ATG10: variants seen among roughly 807,000 people sequenced by gnomAD.
ATG10 encodes the protein autophagy related 10.
Under a neutral mutation model 32.1 loss-of-function variants are expected in ATG10, and 30 were observed. The ratio of observed to expected loss-of-function variants is 0.94; its 90% CI spans 0.70 to 1.27. The LOEUF is 1.27. ATG10 is among the 50% of genes most tolerant of loss of function. The pLI, the probability that ATG10 is intolerant of heterozygous loss-of-function variation, is 0.00. For missense variants in ATG10, 233 were observed against 262.3 expected, an observed-to-expected ratio of 0.89 and a Z score of 0.77; for synonymous variants, 87 against 91.5, an observed-to-expected ratio of 0.95 and a Z score of 0.28.
At chr5:82,185,208 G>A (rs1744402535) in intron 5 of ATG10, among the ~76,000 whole-genome samples, 1 of 152,178 alleles carries the variant, frequency 6.6e-6, no homozygotes. Context: ...AGAGAGAGTT[G>A]TATATGAAAC....
chr5:82,114,645 C>T (rs1047836973), intron 3 of ATG10, among the ~76,000 whole-genome samples: 20 of 152,022 alleles, frequency 1.3e-4, no homozygotes, highest in African/African-American at 4.8e-4. Context: ...GGTCTCCCTT[C>T]TTGAGGAACC....
chr5:82,188,653 G>A (rs1163697195), intron 5 of ATG10, among the ~76,000 whole-genome samples: 5 of 152,148 alleles, frequency 3.3e-5, no homozygotes, highest in Admixed American at 3.3e-4. Flanking sequence ...CTTGGAGCAG[G>A]TGGAGAAGCC....
intron 3 of ATG10, among the ~76,000 whole-genome samples, chr5:82,114,655 C>G (rs73768630): frequency 0.024 from 3,709 of 152,072 alleles, 151 homozygotes; most frequent in African/African-American, 0.084. Flanking sequence ...CTTGAGGAAC[C>G]AAGTCTAAGG....
intron 3 of ATG10, among the ~76,000 whole-genome samples, chr5:82,150,239 T>G (rs568913005): frequency 6.6e-6 from 1 of 152,074 alleles, no homozygotes; most frequent in Admixed American, 6.5e-5. Flanking sequence ...GGAGTTGTTT[T>G]TTTTTTTTTC....
intron 3 of ATG10, among the ~76,000 whole-genome samples, chr5:82,094,424 A>T (rs141603412): frequency 5.3e-5 from 8 of 152,232 alleles, no homozygotes; most frequent in African/African-American, 1.9e-4. Context: ...AACAAATAAT[A>T]ATGATATATA....
chr5:82,175,122 A>G lies in ATG10; in HGVS notation c.356-3368A>G, dbSNP rs74447993. Among the ~76,000 whole-genome samples the G allele has an allele frequency of 6.6e-3, 1,001 of 152,298 alleles. 10 individuals carry two copies. The highest frequency in any genetic ancestry group is 0.023 in the African/African-American group (944 of 41,570). ...ATTGGTTTCCTCATTTGAAGAGTCT[A>G]CTTTTCAAACAAAGCTCTGGTTACA... On this transcript the variant is annotated intron_variant, in intron 4 of 7. Coordinates refer to ENST00000282185, the MANE Select transcript of ATG10 (RefSeq NM_031482.5).
intron 3 of ATG10, among the ~76,000 whole-genome samples, chr5:82,127,664 T>C (rs754833486): frequency 3.3e-5 from 5 of 151,996 alleles, no homozygotes; most frequent in Non-Finnish European, 5.9e-5. Flanking sequence ...TATGGTTTCT[T>C]TTCTTTTGCA....
At chr5:82,227,135 G>GTAAAAT (rs936993421) in intron 5 of ATG10, among the ~76,000 whole-genome samples, 1 of 151,896 alleles carries the variant, frequency 6.6e-6, no homozygotes, top group Non-Finnish European at 1.5e-5. Flanking sequence ...ATTCCTATAT[G>GTAAAAT]CCCCCTCTTG....
chr5:81,982,326 TGTG>T (rs1260726665), intron 1 of ATG10, among the ~76,000 whole-genome samples: 1 of 152,016 alleles, frequency 6.6e-6, no homozygotes, highest in African/African-American at 2.4e-5. Context: ...TTCAGCCTGG[TGTG>T]GTGGTGTGTG....
intron 3 of ATG10, among the ~76,000 whole-genome samples, chr5:82,150,932 A>G (rs1767570317): frequency 6.6e-6 from 1 of 152,204 alleles, no homozygotes; most frequent in African/African-American, 2.4e-5. Context: ...TGGCCTGTGA[A>G]TTTCAGATCA....
At chr5:82,105,828 T>C (rs75294517) in intron 3 of ATG10, among the ~76,000 whole-genome samples, 1 of 152,166 alleles carries the variant, frequency 6.6e-6, no homozygotes, top group South Asian at 2.1e-4. Context: ...CTTACTGCAG[T>C]GGCTAAACCC....
chr5:82,202,348 A>G (rs1393913729), intron 5 of ATG10, among the ~76,000 whole-genome samples: 1 of 151,422 alleles, frequency 6.6e-6, no homozygotes, highest in Non-Finnish European at 1.5e-5. Context: ...GCCTTAACAG[A>G]AAAAAAAACT....
At chr5:82,107,513 T>C (rs1464818252) in intron 3 of ATG10, among the ~76,000 whole-genome samples, 2 of 152,100 alleles carry the variant, frequency 1.3e-5, no homozygotes, top group Admixed American at 1.3e-4. Flanking sequence ...TTGTTTACCT[T>C]AAAGCTTACA....
chr5:82,117,178 A>G (rs538591250), intron 3 of ATG10, among the ~76,000 whole-genome samples: 2 of 152,250 alleles, frequency 1.3e-5, no homozygotes, highest in African/African-American at 4.8e-5. Context: ...GTAAACAGAC[A>G]TGGAAGTAAT....
chr5:82,083,883 C>A (rs1400336498), intron 3 of ATG10, among the ~76,000 whole-genome samples: 2 of 152,166 alleles, frequency 1.3e-5, no homozygotes, highest in Non-Finnish European at 2.9e-5. Flanking sequence ...GAAACAAGAG[C>A]AGAAAAGCTG....
In ATG10 at chr5:82,047,752, A is replaced by G. The variant is rs187897048; in HGVS notation, c.109-10743A>G. Among the ~76,000 whole-genome samples the G allele has an allele frequency of 1.5e-3, 233 of 152,268 alleles. 1 individual carries two copies. The highest frequency in any genetic ancestry group is 2.4e-3 in the Admixed American group (37 of 15,286). ...AGTCAGGAAGGTGCTGGAGGTGAAAAGAAGGGGGACTTGGTAGGTTCGAGA... is the reference window on the plus strand; with the variant it reads ...AGTCAGGAAGGTGCTGGAGGTGAAAGGAAGGGGGACTTGGTAGGTTCGAGA... On this transcript the variant is annotated intron_variant, in intron 2 of 7. Coordinates refer to ENST00000282185, the MANE Select transcript of ATG10 (RefSeq NM_031482.5).
At chr5:82,252,876 T>C (rs1744119134) in intron 6 of ATG10, among the ~76,000 whole-genome samples, 1 of 152,240 alleles carries the variant, frequency 6.6e-6, no homozygotes, top group Non-Finnish European at 1.5e-5. Context: ...ACTATTATTT[T>C]GCCCAATTTA....
intron 5 of ATG10, among the ~76,000 whole-genome samples, chr5:82,244,456 G>C (rs1330489780): frequency 3.9e-5 from 6 of 152,118 alleles, no homozygotes; most frequent in Non-Finnish European, 8.8e-5. Context: ...GAGTTACTGT[G>C]GTAGGTGGCC....
intron 5 of ATG10, among the ~76,000 whole-genome samples, chr5:82,251,690 T>A (rs572509469): frequency 6.6e-6 from 1 of 152,188 alleles, no homozygotes; most frequent in Admixed American, 6.5e-5. Flanking sequence ...TAATGGTTAA[T>A]CCACAATACA....
Sources: allele counts gnomAD v4.1 joint callset (sites outside exome capture counted in the v4.1 genomes callset), GRCh38; gene constraint gnomAD v4.1.1; transcripts MANE v1.5; gene names NCBI Gene and HGNC (gene_info 2026-07-23, HGNC 2026-07-21).